RAC1: variants seen among roughly 807,000 people sequenced by gnomAD.
RAC1 encodes the protein Rac family small GTPase 1.
Under a neutral mutation model 25.2 loss-of-function variants are expected in RAC1, and 2 were observed. That is an observed-to-expected ratio of 0.08 (90% CI 0.03 to 0.25). The LOEUF (loss-of-function observed/expected upper bound fraction) is 0.25. RAC1 is among the 10% of genes least tolerant of loss of function. The pLI is 1.00. For missense variants in RAC1, 50 were observed against 235.7 expected, an observed-to-expected ratio of 0.21 and a Z score of 5.16; for synonymous variants, 88 against 94.0, an observed-to-expected ratio of 0.94 and a Z score of 0.37.
intron 3 of RAC1, among the ~76,000 whole-genome samples, chr7:6,399,091 C>T (rs544187595): frequency 2.1e-5 from 3 of 141,580 alleles, no homozygotes; most frequent in African/African-American, 7.4e-5. Context: ...CTTGGGTGTC[C>T]CGTGTGGTGG....
intron 1 of RAC1, among the ~76,000 whole-genome samples, chr7:6,375,054 C>T (rs1041931153): frequency 6.6e-6 from 1 of 151,556 alleles, no homozygotes; most frequent in Non-Finnish European, 1.5e-5. Flanking sequence ...CGGACGCCGC[C>T]CGCCGCCCTC....
At chr7:6,386,369 C>T (rs1249049030) in intron 1 of RAC1, among the ~76,000 whole-genome samples, 1 of 152,148 alleles carries the variant, frequency 6.6e-6, no homozygotes, top group African/African-American at 2.4e-5. Flanking sequence ...AGAGAACAGT[C>T]ATTGCTGATT....
intron 3 of RAC1, among the ~76,000 whole-genome samples, chr7:6,396,532 G>C (rs559715092): frequency 6.6e-6 from 1 of 152,152 alleles, no homozygotes; most frequent in Non-Finnish European, 1.5e-5. Flanking sequence ...TCAAAAAAGA[G>C]GCTCTTAAAA....
intron 3 of RAC1, among the ~76,000 whole-genome samples, chr7:6,392,426 TAG>T (rs1783114169): frequency 6.6e-6 from 1 of 152,230 alleles, no homozygotes; most frequent in Non-Finnish European, 1.5e-5. Flanking sequence ...TAAACCAAGT[TAG>T]TAACTAATCT....
At chr7:6,380,374 C>T (rs527802063) in intron 1 of RAC1, among the ~76,000 whole-genome samples, 2 of 110,742 alleles carry the variant, frequency 1.8e-5, no homozygotes, top group Non-Finnish European at 3.5e-5. Context: ...AAAAATTATA[C>T]ATAATGTGTG....
chr7:6,393,074 G>C (rs751954194), intron 3 of RAC1, among the ~76,000 whole-genome samples: 2 of 152,166 alleles, frequency 1.3e-5, no homozygotes, highest in African/African-American at 2.4e-5. Context: ...ACCTGGGTTG[G>C]CCGGAGGGAT....
intron 3 of RAC1, among the ~76,000 whole-genome samples, chr7:6,397,325 C>T (rs367661320): frequency 1.2e-4 from 19 of 152,040 alleles, no homozygotes; most frequent in African/African-American, 2.4e-4. Context: ...GACAGGGTCT[C>T]GCTCTGTCAC....
chr7:6,387,730 G>GAA (rs563081278), intron 2 of RAC1, among the ~76,000 whole-genome samples: 5 of 133,298 alleles, frequency 3.8e-5, no homozygotes, highest in African/African-American at 1.1e-4. Context: ...CATCTCAAAA[G>GAA]AAAAAAAAAA....
chr7:6,376,486 A>ATTTTTTTTTTTT (rs544818669), intron 1 of RAC1, among the ~76,000 whole-genome samples: 1 of 122,898 alleles, frequency 8.1e-6, no homozygotes, highest in African/African-American at 3.1e-5. Flanking sequence ...GCCCGGCCCA[A>ATTTTTTTTTTTT]TTTTTTTTTT....
intron 3 of RAC1, among the ~76,000 whole-genome samples, chr7:6,393,208 G>A (rs907582822): frequency 6.6e-6 from 1 of 152,194 alleles, no homozygotes; most frequent in Non-Finnish European, 1.5e-5. Flanking sequence ...GGTAATATGG[G>A]TGAAATAACT....
rs766333134 is a variant in RAC1, at chr7:6,383,358, A to G, written c.36-3854A>G. Among the ~76,000 whole-genome samples the G allele has an allele frequency of 2.3e-4, 35 of 152,364 alleles. No homozygotes were observed. In the Middle Eastern group the frequency reaches 0.014, roughly 59 times the overall value. On this transcript the variant is annotated intron_variant, in intron 1 of 5. Transcript: ENST00000348035. ...TTTACCTATTTGAATAAATTAAGTA[A>G]AAGTTTTAATCAGAAGACTTAAAGA...
chr7:6,395,436 A>G (rs1330394614), intron 3 of RAC1, among the ~76,000 whole-genome samples: 1 of 152,216 alleles, frequency 6.6e-6, no homozygotes, highest in Non-Finnish European at 1.5e-5. Flanking sequence ...GTTCCGCAGA[A>G]CTAGAGTTGT....
chr7:6,390,636 C>T (rs1783067610), intron 2 of RAC1, among the ~76,000 whole-genome samples: 1 of 151,646 alleles, frequency 6.6e-6, no homozygotes, highest in Admixed American at 6.6e-5. Flanking sequence ...TACCACCTCT[C>T]CCTCAGAATT....
intron 3 of RAC1, among the ~76,000 whole-genome samples, chr7:6,394,658 C>G (rs1562467720): frequency 6.6e-6 from 1 of 151,632 alleles, no homozygotes; most frequent in East Asian, 2.1e-4. Flanking sequence ...GTTTCATTTT[C>G]TCTCTAGGCT....
At position 6,402,533 on chromosome 7, in the gene RAC1, A is replaced by AAAAAAC. The variant is rs1783444141; in HGVS notation, c.*91_*92insACAAAA. ...AAAACAAAAAAAAAAAACAAAAAAA[A>AAAAAAC]AAAACAACGGTGGAGCCTTCGCACT... On this transcript the variant is annotated 3_prime_UTR_variant, in exon 6 of 6. Transcript: ENST00000348035. The AAAAAAC allele has an allele frequency of 8.4e-7, 1 of 1,190,212 alleles. No individual in the cohort carries two copies. Among genetic ancestry groups the AAAAAAC allele is most frequent in the African/African-American group, 1.7e-5 (1 of 59,538 alleles). The allele number at this position is 1,190,212 out of a possible 1,614,324, so 73.7% of individuals were successfully genotyped here. A position where few individuals can be genotyped will look rare whatever the true frequency, so the allele number is the denominator to read the frequency against.
At chr7:6,397,969 A>G (rs1285376372) in intron 3 of RAC1, among the ~76,000 whole-genome samples, 2 of 152,334 alleles carry the variant, frequency 1.3e-5, no homozygotes, top group South Asian at 2.1e-4. Context: ...AGCCTGGGCA[A>G]CAGAGCAAGA....
chr7:6,377,163 T>A (rs1782628002), intron 1 of RAC1, among the ~76,000 whole-genome samples: 1 of 152,094 alleles, frequency 6.6e-6, no homozygotes, highest in Non-Finnish European at 1.5e-5. Flanking sequence ...TGAGGGAGTA[T>A]TAGGCTTAAA....
At chr7:6,401,826 T>TA (rs1289079682) in intron 4 of RAC1, 42 bp from the exon 5 acceptor site, 16 of 1,586,062 alleles carry the variant, frequency 1.0e-5, no homozygotes, top group Non-Finnish European at 1.4e-5. Flanking sequence ...AGGACATCTG[T>TA]AAAGGAGCGT....
intron 3 of RAC1, among the ~76,000 whole-genome samples, chr7:6,397,528 C>T (rs983403397): frequency 1.5e-4 from 23 of 152,152 alleles, no homozygotes; most frequent in African/African-American, 5.3e-4. Context: ...CTCCTGACCT[C>T]GTGATCCACC....
Sources: gnomAD v4.1 joint callset for allele counts (sites outside exome capture counted in the v4.1 genomes callset) on GRCh38, gnomAD v4.1.1 for gene constraint, MANE v1.5 for transcripts, NCBI Gene and HGNC (gene_info 2026-07-23, HGNC 2026-07-21) for gene names.